Variants in PPARGC1A observed in about 807,000 individuals in gnomAD.
The protein encoded by PPARGC1A is peroxisome proliferator-activated receptor gamma coactivator 1-alpha.
Under a neutral mutation model 88.7 loss-of-function variants are expected in PPARGC1A, and 25 were observed. The observed-to-expected ratio is 0.28, with a 90% CI of 0.21 to 0.39. The LOEUF is 0.39. Ranked by LOEUF, PPARGC1A falls within the 10% of genes least tolerant of loss-of-function variation. PPARGC1A has a pLI of 1.00. For missense variants in PPARGC1A, 880 were observed against 968.7 expected (o/e 0.91, Z 1.22); for synonymous variants, 363 against 355.6 (o/e 1.02, Z -0.24).
the PPARGC1A span, among the ~76,000 whole-genome samples, chr4:23,917,668 G>T: frequency 6.6e-6 from 1 of 152,100 alleles, no homozygotes; most frequent in Admixed American, 6.6e-5. Flanking sequence ...CATAAGGGTA[G>T]GTACTTAATC....
chr4:24,088,578 G>A, the PPARGC1A span, among the ~76,000 whole-genome samples: 1 of 152,092 alleles, frequency 6.6e-6, no homozygotes. Context: ...TTCCCTATTG[G>A]TACAAAATAA....
the PPARGC1A span, among the ~76,000 whole-genome samples, chr4:24,296,374 C>A: frequency 6.6e-6 from 1 of 152,066 alleles, no homozygotes; most frequent in Admixed American, 6.6e-5. Context: ...ATTCTTCTCA[C>A]AAATGTACTT....
At chr4:24,377,341 G>A in the PPARGC1A span, among the ~76,000 whole-genome samples, 1 of 152,080 alleles carries the variant, frequency 6.6e-6, no homozygotes, top group Admixed American at 6.5e-5. Flanking sequence ...CCAGAAATAG[G>A]CACAAGTAGA....
the PPARGC1A span, among the ~76,000 whole-genome samples, chr4:24,122,676 G>A: frequency 6.6e-6 from 1 of 152,114 alleles, no homozygotes; most frequent in Non-Finnish European, 1.5e-5. Flanking sequence ...ACCAATTAGA[G>A]AGATGTAATA....
At chr4:24,405,148 G>A in the PPARGC1A span, among the ~76,000 whole-genome samples, 1 of 152,090 alleles carries the variant, frequency 6.6e-6, no homozygotes, top group Non-Finnish European at 1.5e-5. Context: ...AAATAAAATA[G>A]TCAATCAAAA....
chr4:24,210,290 G>A, the PPARGC1A span, among the ~76,000 whole-genome samples: 2 of 152,254 alleles, frequency 1.3e-5, no homozygotes, highest in South Asian at 2.1e-4. Flanking sequence ...ATATAAAGTT[G>A]TTTTCTTAAA....
At chr4:24,055,846 C>T in the PPARGC1A span, among the ~76,000 whole-genome samples, 3 of 152,178 alleles carry the variant, frequency 2.0e-5, no homozygotes, top group African/African-American at 7.2e-5. Flanking sequence ...GGCACCAAGT[C>T]GCATCTCAGC....
the PPARGC1A span, among the ~76,000 whole-genome samples, chr4:24,106,484 G>C: frequency 6.6e-6 from 1 of 152,180 alleles, no homozygotes; most frequent in East Asian, 1.9e-4. Context: ...ACAGAAAAAG[G>C]AAGCCCAGGG....
chr4:24,155,653 C>G, the PPARGC1A span, among the ~76,000 whole-genome samples: 7 of 151,982 alleles, frequency 4.6e-5, no homozygotes, highest in Non-Finnish European at 7.4e-5. Flanking sequence ...TTCCTGTGCC[C>G]TCATGAAGCT....
chr4:24,002,095 CACAGAGAGAG>C, the PPARGC1A span, among the ~76,000 whole-genome samples: 105 of 116,932 alleles, frequency 9.0e-4, 2 homozygotes, highest in African/African-American at 3.1e-3. Flanking sequence ...CACACACACA[CACAGAGAGAG>C]AGAGAGAGAG....
the PPARGC1A span, among the ~76,000 whole-genome samples, chr4:24,006,147 G>A: frequency 6.6e-6 from 1 of 152,196 alleles, no homozygotes; most frequent in Non-Finnish European, 1.5e-5. Flanking sequence ...CTCCCGGGTT[G>A]AAGCAATTAT....
chr4:24,081,731 T>C, the PPARGC1A span, among the ~76,000 whole-genome samples: 5 of 151,136 alleles, frequency 3.3e-5, no homozygotes, highest in Admixed American at 3.3e-4. Context: ...GAGGTGTTCA[T>C]TTAAGAACAC....
chr4:24,300,280 T>G, the PPARGC1A span, among the ~76,000 whole-genome samples: 1 of 149,956 alleles, frequency 6.7e-6, no homozygotes, highest in African/African-American at 2.5e-5. Flanking sequence ...CTTTTATGGG[T>G]TTTTTTTCCT....
At chr4:24,392,887 T>A in the PPARGC1A span, among the ~76,000 whole-genome samples, 1 of 152,126 alleles carries the variant, frequency 6.6e-6, no homozygotes, top group East Asian at 1.9e-4. Context: ...ATTTTATTTA[T>A]CTCTCTTTCT....
the PPARGC1A span, among the ~76,000 whole-genome samples, chr4:24,241,384 G>A: frequency 2.6e-5 from 4 of 152,166 alleles, no homozygotes; most frequent in Admixed American, 2.0e-4. Flanking sequence ...GGAAGACAGG[G>A]GTAACATTTT....
the PPARGC1A span, among the ~76,000 whole-genome samples, chr4:24,387,810 A>G: frequency 3.4e-4 from 37 of 108,382 alleles, no homozygotes; most frequent in South Asian, 1.3e-3. Flanking sequence ...GAAAGAAAGA[A>G]AGAAAGAAAG....
At chr4:24,149,644 C>T in the PPARGC1A span, among the ~76,000 whole-genome samples, 3 of 152,290 alleles carry the variant, frequency 2.0e-5, no homozygotes, top group African/African-American at 7.2e-5. Context: ...AAACTCTCTT[C>T]TAATGGTCCA....
upstream of PPARGC1A, among the ~76,000 whole-genome samples, chr4:23,891,693 C>G (rs1717862621): frequency 6.6e-6 from 1 of 152,132 alleles, no homozygotes; most frequent in South Asian, 2.1e-4. Context: ...TGGCCAAGAG[C>G]TTTGACATTT....
intron 10 of PPARGC1A, among the ~76,000 whole-genome samples, chr4:23,812,159 T>A (rs1031020829): frequency 6.6e-6 from 1 of 151,892 alleles, no homozygotes; most frequent in Non-Finnish European, 1.5e-5. Context: ...GCCAGGCTGG[T>A]CTCAAACTTC....
Sources: gnomAD v4.1 joint callset for allele counts (sites outside exome capture counted in the v4.1 genomes callset) on GRCh38, gnomAD v4.1.1 for gene constraint, MANE v1.5 for transcripts, NCBI Gene and HGNC (gene_info 2026-07-23, HGNC 2026-07-21) for gene names.